CNTN1: variants seen among roughly 807,000 people sequenced by gnomAD.
The protein encoded by CNTN1 is contactin 1.
A neutral mutation model predicts 126.4 loss-of-function variants in CNTN1; 38 were observed. That is an observed-to-expected ratio of 0.30 (90% CI 0.23 to 0.39). CNTN1 has a LOEUF of 0.39. Ranked by LOEUF, CNTN1 falls within the 10% of genes least tolerant of loss-of-function variation. CNTN1 has a pLI of 1.00. For missense variants in CNTN1, 1,009 were observed against 1,248.4 expected, an observed-to-expected ratio of 0.81 and a Z score of 2.89; for synonymous variants, 413 against 422.6, an observed-to-expected ratio of 0.98 and a Z score of 0.28.
intron 1 of CNTN1, among the ~76,000 whole-genome samples, chr12:40,782,599 G>A (rs1044596257): frequency 6.6e-6 from 1 of 151,886 alleles, no homozygotes; most frequent in Non-Finnish European, 1.5e-5. Context: ...ATTTGCTGGA[G>A]GGACAATTGG....
At chr12:41,047,444 G>A (rs915832253) in intron 23 of CNTN1, among the ~76,000 whole-genome samples, 5 of 152,016 alleles carry the variant, frequency 3.3e-5, no homozygotes, top group Non-Finnish European at 5.9e-5. Context: ...ATTCAAAAGT[G>A]GTGGTTCTCT....
chr12:40,978,512 C>T (rs1267133357), intron 15 of CNTN1, among the ~76,000 whole-genome samples: 1 of 151,930 alleles, frequency 6.6e-6, no homozygotes, highest in Non-Finnish European at 1.5e-5. Context: ...ACAGAACTGC[C>T]TGAACATTAA....
Position 40,993,158 on chromosome 12 carries a change from G to C in CNTN1, c.2002G>C (p.Ala668Pro). 1 of 1,613,638 alleles carries C rather than the reference G, an allele frequency of 6.2e-7. No homozygotes were observed. Among genetic ancestry groups the C allele is most frequent in the Non-Finnish European group, 8.5e-7 (1 of 1,179,568 alleles). The change falls in exon 17 of 24, where the codon GCA becomes CCA. Residue 668 changes from alanine to proline, a missense_variant. By Grantham distance (27) the Ala-to-Pro change is conservative. Transcript: ENST00000551295. The stretch of plus-strand genomic sequence containing the variant: ...TGAAGGAAATATGGAGGCAGCAAGA[G>C]CAGTGGACTTAATCCCATGGATGGA... Reference protein sequence around the residue: ...IIEGNMEAARAVDLIPWMEYE... With the variant: ...IIEGNMEAARPVDLIPWMEYE...
intron 1 of CNTN1, among the ~76,000 whole-genome samples, chr12:40,877,988 C>CTTTTTTTTTTTTTTTTTTTTTTT: frequency 9.1e-6 from 1 of 109,350 alleles, no homozygotes; most frequent in South Asian, 3.2e-4. Context: ...CAGTTTTTTC[C>CTTTTTTTTTTTTTTTTTTTTTTT]TTTTTTTTTT....
chr12:41,000,818 G>T (rs1948340490), intron 17 of CNTN1, among the ~76,000 whole-genome samples: 1 of 152,076 alleles, frequency 6.6e-6, no homozygotes, highest in African/African-American at 2.4e-5. Context: ...AGTATGTGTT[G>T]TTCCCTTTTA....
intron 16 of CNTN1, among the ~76,000 whole-genome samples, chr12:40,988,372 C>T (rs1948018330): frequency 6.6e-6 from 1 of 152,166 alleles, no homozygotes; most frequent in Non-Finnish European, 1.5e-5. Flanking sequence ...AATACCAGGA[C>T]TCACTCAGGT....
chr12:40,735,209 T>A (rs931624988), intron 1 of CNTN1, among the ~76,000 whole-genome samples: 4 of 152,068 alleles, frequency 2.6e-5, no homozygotes, highest in African/African-American at 9.7e-5. Context: ...ATATATTCAA[T>A]AATTAAAGCT....
rs934507108 is a variant in CNTN1 at position 40,842,909 on chromosome 12, C to T, written c.-76-65448C>T. Among the ~76,000 whole-genome samples, 14 of 151,818 alleles carry T rather than the reference C, an allele frequency of 9.2e-5. 1 individual carries two copies. The highest frequency in any genetic ancestry group is 6.6e-5 in the Admixed American group (1 of 15,252). ...AGTAGTCGATCTTGTTTTTTAATGA[C>T]GAAAATGTGTCTCAAACTAACGTAG... On this transcript the variant is annotated intron_variant, in intron 1 of 23. Coordinates refer to ENST00000551295, the MANE Select transcript of CNTN1 (RefSeq NM_001843.4).
chr12:40,814,247 A>G (rs1464766660), intron 1 of CNTN1, among the ~76,000 whole-genome samples: 1 of 151,976 alleles, frequency 6.6e-6, no homozygotes, highest in Admixed American at 6.6e-5. Flanking sequence ...TTACTTTTGG[A>G]GTTTTTGTCA....
Position 40,802,415 on chromosome 12 carries a change from T to G in CNTN1, c.-76-105942T>G, listed in dbSNP as rs188851248. Among the ~76,000 whole-genome samples, 441 of 152,042 alleles carry G rather than the reference T, an allele frequency of 2.9e-3. 2 individuals are homozygous for G. Among genetic ancestry groups the G allele is most frequent in the Non-Finnish European group, 4.3e-3 (292 of 67,922 alleles). Reference sequence around the variant, plus strand: ...CTTAAAGGTAGAAAAAATATAAACTTTATTTCTCAACACAAGTTCATCAAT... The same window carrying G: ...CTTAAAGGTAGAAAAAATATAAACTGTATTTCTCAACACAAGTTCATCAAT... On this transcript the variant is annotated intron_variant, in intron 1 of 23. Transcript: ENST00000551295.
intron 15 of CNTN1, among the ~76,000 whole-genome samples, chr12:40,970,124 A>G (rs1377297010): frequency 6.6e-6 from 1 of 152,052 alleles, no homozygotes; most frequent in African/African-American, 2.4e-5. Context: ...AACTTGGAGG[A>G]CCACTATTTG....
intron 1 of CNTN1, among the ~76,000 whole-genome samples, chr12:40,822,355 A>G (rs551460709): frequency 4.6e-5 from 7 of 151,558 alleles, no homozygotes; most frequent in Admixed American, 2.0e-4. Context: ...GGGTTTCACC[A>G]TGTTGGCCAG....
chr12:40,776,983 A>G (rs1240703969), intron 1 of CNTN1, among the ~76,000 whole-genome samples: 1 of 151,506 alleles, frequency 6.6e-6, no homozygotes, highest in Non-Finnish European at 1.5e-5. Flanking sequence ...CTTCCCACTT[A>G]TGTCCCCTGA....
At chr12:40,922,015 CA>C (rs35205079) in intron 4 of CNTN1, among the ~76,000 whole-genome samples, 4 of 151,670 alleles carry the variant, frequency 2.6e-5, no homozygotes. Flanking sequence ...AGATACCTCA[CA>C]AAAAAAAGAC....
At chr12:41,034,825 G>A (rs995011454) in intron 23 of CNTN1, among the ~76,000 whole-genome samples, 2 of 152,132 alleles carry the variant, frequency 1.3e-5, no homozygotes, top group African/African-American at 2.4e-5. Context: ...CAAACATGAA[G>A]TTGGAAGATA....
At chr12:41,003,865 G>A (rs751534869) in intron 17 of CNTN1, among the ~76,000 whole-genome samples, 1 of 151,806 alleles carries the variant, frequency 6.6e-6, no homozygotes, top group Non-Finnish European at 1.5e-5. Context: ...CTAGTTAGCA[G>A]TCTATTTTAT....
chr12:41,025,116 A>G, intron 20 of CNTN1, 34 bp from the exon 21 acceptor site: 1 of 1,610,922 alleles, frequency 6.2e-7, no homozygotes, highest in South Asian at 1.1e-5. Context: ...ACTCTAAATC[A>G]TGGCAAAATA....
intron 1 of CNTN1, among the ~76,000 whole-genome samples, chr12:40,758,596 T>C (rs1176575762): frequency 6.6e-6 from 1 of 152,198 alleles, no homozygotes; most frequent in East Asian, 1.9e-4. Context: ...GTTTTTGTTT[T>C]ATTTTGTTTT....
At chr12:40,921,373 G>A (rs73111368) in intron 4 of CNTN1, among the ~76,000 whole-genome samples, 2,070 of 152,252 alleles carry the variant, frequency 0.014, 46 homozygotes, top group African/African-American at 0.047. Flanking sequence ...GAACTTTAAA[G>A]GATAAACCCT....
Sources: gnomAD v4.1 joint callset for allele counts (sites outside exome capture counted in the v4.1 genomes callset) on GRCh38, gnomAD v4.1.1 for gene constraint, MANE v1.5 for transcripts, NCBI Gene and HGNC (gene_info 2026-07-23, HGNC 2026-07-21) for gene names.